Variants in ANKHD1 observed in about 807,000 individuals in gnomAD.
ANKHD1 encodes ankyrin repeat and KH domain-containing protein 1.
ANKHD1 carries 31 observed loss-of-function variants against 230.5 expected under a neutral mutation model. The observed-to-expected ratio is 0.13, with a 90% CI of 0.10 to 0.18. The LOEUF (loss-of-function observed/expected upper bound fraction) is 0.18. Among genes scored for constraint, ANKHD1 ranks in the 10% least tolerant of loss-of-function variants. The pLI, the probability that ANKHD1 is intolerant of heterozygous loss-of-function variation, is 1.00. For missense variants in ANKHD1, 2,256 were observed against 3,071.3 expected, an observed-to-expected ratio of 0.73 and a Z score of 6.27; for synonymous variants, 1,074 against 1,117.6, an observed-to-expected ratio of 0.96 and a Z score of 0.78.
chr5:140,486,686 C>T (rs935061146), intron 13 of ANKHD1: 5 of 218,290 alleles, frequency 2.3e-5, no homozygotes, highest in African/African-American at 1.1e-4. Context: ...CCCCTAGCTA[C>T]AATTGGAACC....
chr5:140,402,208 G>T lies in ANKHD1; in HGVS notation c.241G>T (p.Ala81Ser). 6.6e-7 allele frequency: 1 copy of T among 1,523,160 alleles called. No homozygotes were observed. Among genetic ancestry groups the T allele is most frequent in the Non-Finnish European group, 8.8e-7 (1 of 1,140,054 alleles). The allele number at this position is 1,523,160 out of a possible 1,614,324, so 94.4% of individuals were successfully genotyped here. The change falls in exon 1 of 34, where the codon GCT becomes TCT. Residue 81 changes from alanine (A) to serine (S), a missense_variant. Ala to Ser is a moderately conservative substitution (Grantham distance 99, BLOSUM62 1). Coordinates refer to ENST00000360839, the MANE Select transcript of ANKHD1 (RefSeq NM_017747.3). The stretch of plus-strand genomic sequence containing the variant: ...CGCGGCGCTGGATTTCAAGTTGGCG[G>T]CTGCCGTGCTGAGGACCGGGGGTGG... ...GDAALDFKLAAAVLRTGGGGG... is the reference protein window; with the variant it reads ...GDAALDFKLASAVLRTGGGGG...
At chr5:140,526,867 T>G in intron 26 of ANKHD1, 61 bp from the exon 27 acceptor site, 1 of 1,530,430 alleles carries the variant, frequency 6.5e-7, no homozygotes, top group Non-Finnish European at 8.8e-7. Flanking sequence ...AAAGGAATAG[T>G]CTCTTGAGTT....
rs779558830 is a variant in ANKHD1 at position 140,528,998 on chromosome 5, A to G, written c.6052A>G (p.Met2018Val). ...TSQAQLSSQKMESFSAVPPTK... is the reference protein window; with the variant it reads ...TSQAQLSSQKVESFSAVPPTK... ...TCAAGCACAGCTTTCTTCACAAAAGATGGAGTCTTTCTCTGCTGTGCCACC... is the reference window on the plus strand; with the variant it reads ...TCAAGCACAGCTTTCTTCACAAAAGGTGGAGTCTTTCTCTGCTGTGCCACC... The change falls in exon 29 of 34, where the codon ATG becomes GTG. Residue 2018 changes from methionine to valine, a missense_variant. Met to Val is a conservative substitution (Grantham distance 21, BLOSUM62 1). This residue lies in a region of ANKHD1 where 778 missense variants were observed against 966.5 expected (regional missense o/e 0.80). Transcript: ENST00000360839. The G allele has an allele frequency of 4.3e-6, 7 of 1,614,174 alleles. No individual in the cohort carries two copies. The South Asian group carries it at 7.7e-5, about 18-fold the overall frequency.
At chr5:140,501,244 T>C (rs886208235) in intron 15 of ANKHD1, among the ~76,000 whole-genome samples, 27 of 151,226 alleles carry the variant, frequency 1.8e-4, no homozygotes, top group African/African-American at 6.3e-4. Context: ...GCCTGACTAA[T>C]TTTTTTTGTA....
At chr5:140,475,403 G>T (rs542784259) in intron 10 of ANKHD1, among the ~76,000 whole-genome samples, 23 of 152,254 alleles carry the variant, frequency 1.5e-4, no homozygotes, top group Admixed American at 1.4e-3. Flanking sequence ...TACATCAGTA[G>T]ATCTAGTCTA....
chr5:140,428,761 A>T (rs1772768953), intron 1 of ANKHD1, among the ~76,000 whole-genome samples: 1 of 152,106 alleles, frequency 6.6e-6, no homozygotes, highest in Non-Finnish European at 1.5e-5. Context: ...TAAATTAACC[A>T]GCCTAGAATA....
chr5:140,408,100 C>T, intron 1 of ANKHD1, among the ~76,000 whole-genome samples: 1 of 152,090 alleles, frequency 6.6e-6, no homozygotes, highest in East Asian at 1.9e-4. Flanking sequence ...TCTCTTGAAC[C>T]CGGGAGACGG....
At chr5:140,479,613 TC>T (rs1374331738) in intron 10 of ANKHD1, among the ~76,000 whole-genome samples, 4 of 151,520 alleles carry the variant, frequency 2.6e-5, no homozygotes, top group African/African-American at 9.7e-5. Context: ...CATTATTGAT[TC>T]CCATTATATA....
chr5:140,479,809 GGGAAT>G (rs1233160992), intron 10 of ANKHD1, among the ~76,000 whole-genome samples: 1 of 149,724 alleles, frequency 6.7e-6, no homozygotes, highest in Non-Finnish European at 1.5e-5. Context: ...GGGAATCAAT[GGGAAT>G]ATATGTGTGT....
intron 1 of ANKHD1, among the ~76,000 whole-genome samples, chr5:140,405,793 C>T (rs1191479217): frequency 6.6e-6 from 1 of 152,084 alleles, no homozygotes; most frequent in Non-Finnish European, 1.5e-5. Flanking sequence ...CCACCACTCC[C>T]AGGTAATTTT....
At chr5:140,487,834 T>A (rs758214350) in intron 14 of ANKHD1, among the ~76,000 whole-genome samples, 4 of 152,196 alleles carry the variant, frequency 2.6e-5, no homozygotes, top group Non-Finnish European at 5.9e-5. Context: ...GATAATCAAG[T>A]CCTAGATATT....
intron 1 of ANKHD1, among the ~76,000 whole-genome samples, chr5:140,429,839 A>C (rs1224447264): frequency 1.3e-5 from 2 of 152,228 alleles, no homozygotes; most frequent in Non-Finnish European, 2.9e-5. Flanking sequence ...CGCTACATAG[A>C]AACTGTTTTA....
At chr5:140,491,160 ATTTTT>A (rs1222038703) in intron 14 of ANKHD1, among the ~76,000 whole-genome samples, 24 of 45,656 alleles carry the variant, frequency 5.3e-4, no homozygotes, top group African/African-American at 2.2e-3. Flanking sequence ...ATATATATAT[ATTTTT>A]TTTTTTTTTT....
chr5:140,461,354 A>G (rs764986725), intron 9 of ANKHD1, among the ~76,000 whole-genome samples: 1 of 152,184 alleles, frequency 6.6e-6, no homozygotes, highest in Non-Finnish European at 1.5e-5. Flanking sequence ...CGTAGAAACT[A>G]TCTCAGGGTT....
At chr5:140,414,829 C>A (rs1330086516) in intron 1 of ANKHD1, among the ~76,000 whole-genome samples, 8 of 115,608 alleles carry the variant, frequency 6.9e-5, no homozygotes, top group Non-Finnish European at 1.1e-4. Flanking sequence ...AAGAGTGAGA[C>A]CCTGTCTCAA....
At position 140,433,243 on chromosome 5, in the gene ANKHD1, T is replaced by C. The variant is rs546090789; in HGVS notation, c.307-2861T>C. Among the ~76,000 whole-genome samples the C allele has an allele frequency of 1.2e-4, 18 of 152,336 alleles. No homozygotes were observed. The South Asian group carries it at 3.7e-3, about 32-fold the overall frequency. ...CACCACACCCAGCTAATTTTGTATT[T>C]TTAGTACAGACAGGGTTTCGCCATG... On this transcript the variant is annotated intron_variant, in intron 1 of 33. Transcript: ENST00000360839.
chr5:140,522,643 TG>T (rs1753403424), intron 24 of ANKHD1, among the ~76,000 whole-genome samples: 1 of 152,234 alleles, frequency 6.6e-6, no homozygotes, highest in South Asian at 2.1e-4. Flanking sequence ...ATACAGTTTT[TG>T]TATGAAAATG....
At chr5:140,404,124 G>C (rs1770218631) in intron 1 of ANKHD1, among the ~76,000 whole-genome samples, 1 of 152,180 alleles carries the variant, frequency 6.6e-6, no homozygotes, top group Non-Finnish European at 1.5e-5. Flanking sequence ...GGCAGTTATG[G>C]GGAGAGACTC....
Position 140,538,345 on chromosome 5 carries a change from A to T in ANKHD1, c.7404+84A>T, listed in dbSNP as rs114367519. 3,243 of 1,543,304 alleles carry T rather than the reference A, an allele frequency of 2.1e-3. 67 individuals are homozygous for T. The African/African-American group carries it at 0.04, about 19-fold the overall frequency. ...TTAAGGAATACCTTGTATTGAAATA[A>T]TGCTCCCTTTTGTTTCTGTGGCTTT... On this transcript the variant is annotated intron_variant, in intron 32 of 33. Transcript: ENST00000360839.
Sources: gnomAD v4.1 joint callset for allele counts (sites outside exome capture counted in the v4.1 genomes callset) on GRCh38, gnomAD v4.1.1 for gene constraint, gnomAD v4.1.1 regional missense constraint, MANE v1.5 for transcripts, NCBI Gene and HGNC (gene_info 2026-07-23, HGNC 2026-07-21) for gene names.